Variants in COL19A1 observed in about 807,000 individuals in gnomAD.
COL19A1 encodes the protein collagen alpha-1(XIX) chain.
COL19A1 carries 159 observed loss-of-function variants against 190.2 expected under a neutral mutation model. The ratio of observed to expected loss-of-function variants is 0.84; its 90% CI spans 0.73 to 0.95. The LOEUF (loss-of-function observed/expected upper bound fraction) is 0.95. Ranked by LOEUF, COL19A1 falls within the 40% of genes least tolerant of loss-of-function variation. The pLI, the probability that COL19A1 is intolerant of heterozygous loss-of-function variation, is 0.00. For synonymous variants in COL19A1, 509 were observed against 458.9 expected, an observed-to-expected ratio of 1.11 and a Z score of -1.39; for missense variants, 1,418 against 1,431.9, an observed-to-expected ratio of 0.99 and a Z score of 0.16.
chr6:70,070,264 A>C (rs1781467960), intron 15 of COL19A1, among the ~76,000 whole-genome samples: 1 of 152,168 alleles, frequency 6.6e-6, no homozygotes, highest in Non-Finnish European at 1.5e-5. Context: ...AGATTAAAGA[A>C]TAAATTAAAC....
chr6:69,966,771 C>T (rs1013840558), intron 11 of COL19A1, among the ~76,000 whole-genome samples: 3 of 147,224 alleles, frequency 2.0e-5, no homozygotes, highest in Non-Finnish European at 4.5e-5. Context: ...TCAATAAATA[C>T]TAAAAAAATT....
chr6:69,945,357 C>A (rs1773728769), intron 9 of COL19A1, among the ~76,000 whole-genome samples: 1 of 151,876 alleles, frequency 6.6e-6, no homozygotes, highest in African/African-American at 2.4e-5. Context: ...TCCAATCCCA[C>A]TATAGAGGTT....
chr6:69,920,605 T>C (rs1482137323), intron 4 of COL19A1, among the ~76,000 whole-genome samples: 1 of 152,120 alleles, frequency 6.6e-6, no homozygotes, highest in Non-Finnish European at 1.5e-5. Context: ...CTGTATGATG[T>C]TTAGTTAGCC....
In COL19A1 at chr6:70,211,551, A is replaced by G. The variant is rs1377598483; in HGVS notation, c.*4277A>G. ...AGGAGGAGATGCAGAAGATAATTGA[A>G]TTTGTATCTTGTATGCCTATGTAAT... is the stretch of plus-strand genomic sequence containing the variant. On this transcript the variant is annotated 3_prime_UTR_variant, in exon 51 of 51. Coordinates refer to ENST00000620364, the MANE Select transcript of COL19A1 (RefSeq NM_001858.6). 1.3e-5 allele frequency among the ~76,000 whole-genome samples: 2 copies of G among 149,406 alleles called. No individual in the cohort carries two copies. Among genetic ancestry groups the G allele is most frequent in the Non-Finnish European group, 3.0e-5 (2 of 67,530 alleles).
At chr6:70,113,346 A>G (rs1030066236) in intron 16 of COL19A1, among the ~76,000 whole-genome samples, 2 of 152,184 alleles carry the variant, frequency 1.3e-5, no homozygotes, top group South Asian at 2.1e-4. Context: ...CTGCAATGCT[A>G]ATACACAATC....
chr6:70,160,386 A>G (rs1787723296), intron 34 of COL19A1, among the ~76,000 whole-genome samples: 1 of 152,086 alleles, frequency 6.6e-6, no homozygotes, highest in East Asian at 1.9e-4. Context: ...CCCTCCCTCT[A>G]CATGTGGGGA....
At chr6:69,895,155 C>G (rs1031291287) in intron 2 of COL19A1, among the ~76,000 whole-genome samples, 1 of 152,138 alleles carries the variant, frequency 6.6e-6, no homozygotes, top group African/African-American at 2.4e-5. Flanking sequence ...TTGAGCCATG[C>G]GTCCTAGCAC....
At position 69,921,742 on chromosome 6, in the gene COL19A1, G is replaced by A. The variant is rs550555980; in HGVS notation, c.267-6167G>A. 3.0e-4 allele frequency among the ~76,000 whole-genome samples: 41 copies of A among 135,198 alleles called. No individual in the cohort carries two copies. In the South Asian group the frequency reaches 4.4e-3, roughly 15 times the overall value. 88.7% of individuals were successfully genotyped at this position (135,198 alleles called of 152,430 possible). ...TTCGTATATATTCGTATGTAGATTCGTATATGTATATTCGTATGTAGATTC... is the reference window on the plus strand; with the variant it reads ...TTCGTATATATTCGTATGTAGATTCATATATGTATATTCGTATGTAGATTC... On this transcript the variant is annotated intron_variant, in intron 4 of 50. Coordinates refer to ENST00000620364, the MANE Select transcript of COL19A1 (RefSeq NM_001858.6).
intron 2 of COL19A1, among the ~76,000 whole-genome samples, chr6:69,889,745 CACCAATCAGCACTCTGTAAAATGG>C (rs1185767377): frequency 3.3e-5 from 5 of 152,212 alleles, no homozygotes; most frequent in African/African-American, 4.8e-5. Flanking sequence ...ATTGTAAACA[CACCAATCAGCACTCTGTAAAATGG>C]ACCAATCAGC....
At chr6:70,054,991 C>A (rs1285881524) in intron 14 of COL19A1, among the ~76,000 whole-genome samples, 2 of 152,064 alleles carry the variant, frequency 1.3e-5, no homozygotes, top group African/African-American at 4.8e-5. Flanking sequence ...AATTGGCCAG[C>A]TGGGAAAAAA....
Position 70,207,355 on chromosome 6 carries a change from T to G in COL19A1, c.*81T>G. On this transcript the variant is annotated 3_prime_UTR_variant, in exon 51 of 51. Coordinates refer to ENST00000620364, the MANE Select transcript of COL19A1 (RefSeq NM_001858.6). The stretch of plus-strand genomic sequence containing the variant: ...TTAATACCGTCAAACCCTCATCATC[T>G]GTGGGTTGCTTTTTTTTTTTTTTTT... 6 of 862,386 alleles carry G rather than the reference T, an allele frequency of 7.0e-6. No individual in the cohort carries two copies. Among genetic ancestry groups the G allele is most frequent in the Non-Finnish European group, 7.7e-6 (5 of 647,630 alleles). The allele number at this position is 862,386 out of a possible 1,614,324, so 53.4% of individuals were successfully genotyped here.
intron 1 of COL19A1, among the ~76,000 whole-genome samples, chr6:69,874,224 G>A (rs1169215044): frequency 6.6e-6 from 1 of 152,220 alleles, no homozygotes; most frequent in African/African-American, 2.4e-5. Flanking sequence ...TCAGGAAAAG[G>A]AGAGGTTCAG....
At chr6:70,055,358 T>C (rs1053594658) in intron 14 of COL19A1, among the ~76,000 whole-genome samples, 2 of 151,490 alleles carry the variant, frequency 1.3e-5, no homozygotes, top group African/African-American at 4.9e-5. Context: ...AAATTACACA[T>C]GTACCAGGTT....
At chr6:70,125,400 C>T (rs115483498) in intron 17 of COL19A1, among the ~76,000 whole-genome samples, 1,759 of 152,264 alleles carry the variant, frequency 0.012, 37 homozygotes, top group African/African-American at 0.039. Flanking sequence ...AACTGCCCCT[C>T]CTCATTCCGA....
intron 16 of COL19A1, among the ~76,000 whole-genome samples, chr6:70,116,318 TC>T (rs1784575689): frequency 6.6e-6 from 1 of 152,222 alleles, no homozygotes; most frequent in African/African-American, 2.4e-5. Context: ...AATGGCTTTC[TC>T]CACAGACTTT....
intron 34 of COL19A1, among the ~76,000 whole-genome samples, chr6:70,157,861 G>C (rs867305275): frequency 2.4e-4 from 37 of 152,040 alleles, no homozygotes; most frequent in African/African-American, 8.2e-4. Context: ...AAAAAGATCA[G>C]GAAATAATTG....
intron 16 of COL19A1, among the ~76,000 whole-genome samples, chr6:70,102,704 G>C (rs1428458314): frequency 6.6e-6 from 1 of 151,960 alleles, no homozygotes; most frequent in Non-Finnish European, 1.5e-5. Flanking sequence ...AGCTTATCTG[G>C]ATCCTTTACC....
At position 70,063,659 on chromosome 6, in the gene COL19A1, C is replaced by A. The variant is rs947131714; in HGVS notation, c.1171-4764C>A. Reference sequence around the variant, plus strand: ...AGCAGAACTGAAGGAGATAGAGACACAAAAAACCCTTCAAAAAATTAATGA... The same window carrying A: ...AGCAGAACTGAAGGAGATAGAGACAAAAAAAACCCTTCAAAAAATTAATGA... On this transcript the variant is annotated intron_variant, in intron 14 of 50. Coordinates refer to ENST00000620364, the MANE Select transcript of COL19A1 (RefSeq NM_001858.6). Among the ~76,000 whole-genome samples the A allele has an allele frequency of 2.6e-5, 4 of 151,984 alleles. No homozygotes were observed. The East Asian group carries it at 7.7e-4, about 29-fold the overall frequency.
At chr6:70,020,392 C>T (rs1778352535) in intron 11 of COL19A1, among the ~76,000 whole-genome samples, 1 of 151,934 alleles carries the variant, frequency 6.6e-6, no homozygotes, top group Non-Finnish European at 1.5e-5. Context: ...CTTAGAGATG[C>T]CTTACTCACC....
Sources: allele counts gnomAD v4.1 joint callset (sites outside exome capture counted in the v4.1 genomes callset), GRCh38; gene constraint gnomAD v4.1.1; transcripts MANE v1.5; gene names NCBI Gene and HGNC (gene_info 2026-07-23, HGNC 2026-07-21).